The following DYNC2H1 variants were observed in gnomAD, a reference collection of about 807,000 sequenced individuals.
DYNC2H1 encodes cytoplasmic dynein 2 heavy chain 1.
DYNC2H1 carries 410 observed loss-of-function variants against 570.0 expected under a neutral mutation model. The observed-to-expected ratio is 0.72, with a 90% CI of 0.66 to 0.78. The LOEUF is 0.78. Among genes scored for constraint, DYNC2H1 ranks in the 30% least tolerant of loss-of-function variants. The probability of loss-of-function intolerance (pLI) is 0.00; values close to 1 mark genes in which losing one functional copy is unlikely to be tolerated. For synonymous variants in DYNC2H1, 1,688 were observed against 1,677.6 expected, an observed-to-expected ratio of 1.01 and a Z score of -0.15; for missense variants, 4,865 against 5,046.4, an observed-to-expected ratio of 0.96 and a Z score of 1.09.
At chr11:103,449,379 C>A (rs1423761553) in intron 85 of DYNC2H1, among the ~76,000 whole-genome samples, 1 of 152,088 alleles carries the variant, frequency 6.6e-6, no homozygotes, top group African/African-American at 2.4e-5. Flanking sequence ...GAAGGAAGGC[C>A]AACAGTTAGG....
At chr11:103,474,873 A>G (rs1322824737) in intron 88 of DYNC2H1, among the ~76,000 whole-genome samples, 1 of 152,134 alleles carries the variant, frequency 6.6e-6, no homozygotes, top group Non-Finnish European at 1.5e-5. Context: ...GGGACTACTG[A>G]GTCACCATTT....
chr11:103,468,036 A>G (rs1323465239), intron 87 of DYNC2H1, among the ~76,000 whole-genome samples: 1 of 152,230 alleles, frequency 6.6e-6, no homozygotes, highest in Admixed American at 6.5e-5. Flanking sequence ...ATATGAAGAT[A>G]ATAATACCAA....
intron 6 of DYNC2H1, among the ~76,000 whole-genome samples, chr11:103,118,517 CT>C (rs562115351): frequency 2.6e-5 from 4 of 151,024 alleles, no homozygotes; most frequent in Non-Finnish European, 5.9e-5. Flanking sequence ...TTCTCTTAAC[CT>C]TTTTTTTTAA....
At position 103,111,762 on chromosome 11, in the gene DYNC2H1, C is replaced by T. The variant is rs940470503; in HGVS notation, c.196-1775C>T. Among the ~76,000 whole-genome samples, 15 of 152,176 alleles carry T rather than the reference C, an allele frequency of 9.9e-5. No homozygotes were observed. In the South Asian group the frequency reaches 2.9e-3, roughly 29 times the overall value. ...ATCTGTTATTTTTAGTTGTACACTTCGCTACAGGTTTTTAGTCATATTTGA... is the reference window on the plus strand; with the variant it reads ...ATCTGTTATTTTTAGTTGTACACTTTGCTACAGGTTTTTAGTCATATTTGA... On this transcript the variant is annotated intron_variant, in intron 1 of 88. Transcript: ENST00000375735.
intron 84 of DYNC2H1, among the ~76,000 whole-genome samples, chr11:103,419,327 T>G (rs928896718): frequency 6.6e-6 from 1 of 152,160 alleles, no homozygotes; most frequent in East Asian, 1.9e-4. Flanking sequence ...CCATTCCTCC[T>G]GACTGGATGA....
intron 21 of DYNC2H1, 36 bp from the exon 22 acceptor site, chr11:103,153,267 T>C: frequency 6.8e-7 from 1 of 1,472,144 alleles, no homozygotes; most frequent in East Asian, 2.6e-5. Context: ...GAAATTTTAC[T>C]CTGCATTAAA....
chr11:103,384,065 C>T, intron 83 of DYNC2H1, among the ~76,000 whole-genome samples: 2 of 152,250 alleles, frequency 1.3e-5, no homozygotes. Context: ...GCCCACTATG[C>T]AATAACATTT....
At chr11:103,109,828 C>CCTCT in intron 1 of DYNC2H1, 59 bp downstream of exon 1, 1 of 1,522,624 alleles carries the variant, frequency 6.6e-7, no homozygotes, top group Non-Finnish European at 8.9e-7. Flanking sequence ...CCAGGCCCAG[C>CCTCT]CAGAGGGACG....
Position 103,143,113 on chromosome 11 carries a change from T to C in DYNC2H1, c.2575-155T>C, listed in dbSNP as rs117048720. ...AAATCTCTTTTTTCTGTTTATTCTT[T>C]AGGCTGTGCAGTAATGATTATATTA... On this transcript the variant is annotated intron_variant, in intron 17 of 88. Transcript: ENST00000375735. Among the ~76,000 whole-genome samples the C allele has an allele frequency of 5.8e-3, 888 of 152,362 alleles. 10 individuals carry two copies. Among genetic ancestry groups the C allele is most frequent in the Middle Eastern group, 0.017 (5 of 294 alleles).
At chr11:103,320,373 G>A (rs1260606495) in intron 80 of DYNC2H1, among the ~76,000 whole-genome samples, 1 of 152,104 alleles carries the variant, frequency 6.6e-6, no homozygotes, top group Admixed American at 6.6e-5. Flanking sequence ...TTGCACTCCA[G>A]CCTGGGTGAC....
At chr11:103,412,848 G>A (rs143939644) in intron 84 of DYNC2H1, among the ~76,000 whole-genome samples, 6 of 152,288 alleles carry the variant, frequency 3.9e-5, no homozygotes, top group African/African-American at 1.4e-4. Context: ...GATGTATGAA[G>A]TTAATATCTT....
chr11:103,109,449 C>A lies in DYNC2H1; in HGVS notation c.-126C>A. Reference sequence around the variant, plus strand: ...CCATAGCGACTACCCCTGGCAACCGCGAAGCTCTGCGGTCCCGCGGTCGGG... The same window carrying A: ...CCATAGCGACTACCCCTGGCAACCGAGAAGCTCTGCGGTCCCGCGGTCGGG... On this transcript the variant is annotated 5_prime_UTR_variant, in exon 1 of 89. Coordinates refer to ENST00000375735, the MANE Select transcript of DYNC2H1 (RefSeq NM_001377.3). 1 of 953,018 alleles carries A rather than the reference C, an allele frequency of 1.0e-6. No homozygotes were observed. The highest frequency in any genetic ancestry group is 1.9e-5 in the South Asian group (1 of 51,742). The allele number at this position is 953,018 out of a possible 1,614,324, so 59.0% of individuals were successfully genotyped here.
At chr11:103,258,970 T>C (rs182654259) in intron 69 of DYNC2H1, among the ~76,000 whole-genome samples, 8 of 152,336 alleles carry the variant, frequency 5.3e-5, no homozygotes, top group Non-Finnish European at 1.0e-4. Flanking sequence ...ATTAGTTGTC[T>C]TGGTTAGAAC....
At chr11:103,374,884 A>G (rs796585662) in intron 83 of DYNC2H1, among the ~76,000 whole-genome samples, 1 of 152,224 alleles carries the variant, frequency 6.6e-6, no homozygotes, top group African/African-American at 2.4e-5. Flanking sequence ...AATTCAAACC[A>G]GCTATAGAAA....
rs924551372 is a variant in DYNC2H1 at position 103,268,505 on chromosome 11, T to A, written c.10695+8528T>A. Among the ~76,000 whole-genome samples, 1 of 152,000 alleles carries A rather than the reference T, an allele frequency of 6.6e-6. No individual in the cohort carries two copies. The highest frequency in any genetic ancestry group is 2.4e-5 in the African/African-American group (1 of 41,440). Reference sequence around the variant, plus strand: ...GTTAGATTTGTATGAGTAGTTTTTTTAAATGTAGTTTTAATCTGTTTTATT... The same window carrying A: ...GTTAGATTTGTATGAGTAGTTTTTTAAAATGTAGTTTTAATCTGTTTTATT... On this transcript the variant is annotated intron_variant, in intron 70 of 88. Transcript: ENST00000375735. This position sits in a 1 kb window ranked among gnomAD's most constrained non-coding sequence, Gnocchi z 4.6.
At chr11:103,419,841 GC>G (rs1182474334) in intron 84 of DYNC2H1, among the ~76,000 whole-genome samples, 2 of 152,094 alleles carry the variant, frequency 1.3e-5, no homozygotes, top group African/African-American at 2.4e-5. Context: ...AATTTGCTGA[GC>G]TAAAGGAGCA....
chr11:103,261,920 T>A lies in DYNC2H1; in HGVS notation c.10695+1943T>A, dbSNP rs1184630537. Among the ~76,000 whole-genome samples, 1 of 152,114 alleles carries A rather than the reference T, an allele frequency of 6.6e-6. No individual in the cohort carries two copies. Among genetic ancestry groups the A allele is most frequent in the Non-Finnish European group, 1.5e-5 (1 of 68,018 alleles). ...ACTCCTCCAAGCTAAAGGAGCATGT[T>A]CCAACCCAATGCAAGGAAGCTAAGA... On this transcript the variant is annotated intron_variant, in intron 70 of 88. Transcript: ENST00000375735. The surrounding 1 kb of genome is among the most constrained non-coding windows in gnomAD (Gnocchi z 4.8).
chr11:103,295,416 C>A (rs1239575184), intron 75 of DYNC2H1, among the ~76,000 whole-genome samples: 1 of 152,248 alleles, frequency 6.6e-6, no homozygotes, highest in Admixed American at 6.5e-5. Flanking sequence ...AAACAACTAT[C>A]TGCGAAGCTA....
Position 103,180,373 on chromosome 11 carries a change from A to G in DYNC2H1, c.6347+1140A>G, listed in dbSNP as rs527928137. ...ACTTTCACATAGAGGAGGCAAATTT[A>G]TACAATTTATACAAGTGGAATATAA... On this transcript the variant is annotated intron_variant, in intron 39 of 88. Transcript: ENST00000375735. Among the ~76,000 whole-genome samples the G allele has an allele frequency of 8.6e-5, 13 of 151,848 alleles. No homozygotes were observed. The South Asian group carries it at 1.9e-3, about 22-fold the overall frequency.
Sources: allele counts gnomAD v4.1 joint callset (sites outside exome capture counted in the v4.1 genomes callset), GRCh38; gene constraint gnomAD v4.1.1; non-coding constraint Gnocchi (gnomAD v3.1); transcripts MANE v1.5; gene names NCBI Gene and HGNC (gene_info 2026-07-23, HGNC 2026-07-21).